The following NTM variants were observed in gnomAD, a reference collection of about 807,000 sequenced individuals.
NTM encodes IgLON family member 2.
NTM carries 13 observed loss-of-function variants against 42.1 expected under a neutral mutation model. The ratio of observed to expected loss-of-function variants is 0.31; its 90% CI spans 0.20 to 0.49. The LOEUF (loss-of-function observed/expected upper bound fraction) is 0.49. Among genes scored for constraint, NTM ranks in the 20% least tolerant of loss-of-function variants. The pLI is 0.99. For missense variants in NTM, 373 were observed against 452.8 expected (o/e 0.82, Z 1.60); for synonymous variants, 187 against 179.2 (o/e 1.04, Z -0.35).
chr11:132,050,632 C>T (rs764864388), intron 2 of NTM, among the ~76,000 whole-genome samples: 18 of 152,068 alleles, frequency 1.2e-4, no homozygotes, highest in Admixed American at 2.6e-4. Context: ...GGGTTTATGG[C>T]GGCAAAGCCT....
chr11:131,789,819 G>A lies in NTM; in HGVS notation c.83-121745G>A, dbSNP rs554864122. On this transcript the variant is annotated intron_variant, in intron 1 of 8. Transcript: ENST00000683400. ...AAAATACAAAAAATTAGCCGGGTGT[G>A]GTGGCGGGAGCCTGTAGTCCCAGCT... Among the ~76,000 whole-genome samples, 562 of 150,976 alleles carry A rather than the reference G, an allele frequency of 3.7e-3. 7 individuals carry two copies. In the South Asian group the frequency reaches 0.045, roughly 12 times the overall value.
Position 132,335,090 on chromosome 11 carries a change from G to A in NTM, c.1012G>A (p.Ala338Thr), listed in dbSNP as rs1361407592. ...SEVSNGTSRR[A>T]GCVWLLPLLV... The stretch of plus-strand genomic sequence containing the variant: ...GGTGAGCAACGGCACGTCGAGGAGG[G>A]CAGGCTGCGTCTGGCTGCTGCCTCT... The change falls in exon 9 of 9, where the codon GCA (alanine) becomes ACA (threonine). Residue 338 changes from alanine to threonine, a missense_variant. Ala to Thr is a moderately conservative substitution (Grantham distance 58). Coordinates refer to ENST00000683400, the MANE Select transcript of NTM (RefSeq NM_001352005.2). 1 of 1,612,552 alleles carries A rather than the reference G, an allele frequency of 6.2e-7. No homozygotes were observed. Among genetic ancestry groups the A allele is most frequent in the Admixed American group, 1.7e-5 (1 of 59,996 alleles).
chr11:131,722,020 A>T (rs1565467528), intron 1 of NTM, among the ~76,000 whole-genome samples: 1 of 148,646 alleles, frequency 6.7e-6, no homozygotes, highest in Non-Finnish European at 1.5e-5. Context: ...AAAAAAAAAA[A>T]AAGAGAGAAA....
chr11:131,890,838 G>A (rs1390001755), intron 1 of NTM, among the ~76,000 whole-genome samples: 1 of 152,182 alleles, frequency 6.6e-6, no homozygotes, highest in Non-Finnish European at 1.5e-5. Flanking sequence ...CATTGTCTGT[G>A]TCTCTGGCAG....
chr11:132,277,895 G>A (rs953548830), intron 4 of NTM, among the ~76,000 whole-genome samples: 39 of 152,042 alleles, frequency 2.6e-4, no homozygotes, highest in African/African-American at 8.2e-4. Flanking sequence ...TCTGGTTTGA[G>A]GACTCTTACT....
chr11:131,861,973 G>A (rs1467510765), intron 1 of NTM, among the ~76,000 whole-genome samples: 2 of 152,168 alleles, frequency 1.3e-5, no homozygotes, highest in Admixed American at 6.5e-5. Context: ...AACCCCAGGG[G>A]AGGCATCCAG....
intron 2 of NTM, among the ~76,000 whole-genome samples, chr11:132,021,858 T>C (rs1258535692): frequency 2.0e-5 from 3 of 152,236 alleles, no homozygotes; most frequent in Non-Finnish European, 2.9e-5. Flanking sequence ...TGCTTCCTAC[T>C]GAGTCCTGTC....
At chr11:131,564,797 G>C (rs2056675463) in intron 1 of NTM, among the ~76,000 whole-genome samples, 1 of 152,086 alleles carries the variant, frequency 6.6e-6, no homozygotes, top group Non-Finnish European at 1.5e-5. Context: ...TTCAGACGTT[G>C]CTCCCTGCAA....
intron 1 of NTM, among the ~76,000 whole-genome samples, chr11:131,797,466 C>T (rs1020006700): frequency 2.6e-5 from 4 of 152,214 alleles, no homozygotes; most frequent in Middle Eastern, 3.4e-3. Context: ...TTGTTTATTC[C>T]GGATAGAATC....
intron 1 of NTM, among the ~76,000 whole-genome samples, chr11:131,824,190 C>A (rs1416846364): frequency 1.3e-5 from 2 of 152,168 alleles, no homozygotes; most frequent in Non-Finnish European, 2.9e-5. Flanking sequence ...CATAACTTTA[C>A]TTACAAGGAA....
At chr11:132,266,333 CTCTT>C (rs1382435445) in intron 4 of NTM, among the ~76,000 whole-genome samples, 1 of 152,198 alleles carries the variant, frequency 6.6e-6, no homozygotes, top group Non-Finnish European at 1.5e-5. Flanking sequence ...ATAGCCATCT[CTCTT>C]GTTGCCAGTG....
rs149572992 is a variant in NTM at position 132,138,665 on chromosome 11, G to C, written c.168-7617G>C. 8.3e-4 allele frequency among the ~76,000 whole-genome samples: 125 copies of C among 150,774 alleles called. 3 individuals are homozygous for C. The East Asian group carries it at 0.022, about 26-fold the overall frequency. ...TTATAAGAATTGGCTCATGTCTGTA[G>C]TGTAAGTTTCAGTCTCAGTCCAAAG... is the stretch of plus-strand genomic sequence containing the variant. On this transcript the variant is annotated intron_variant, in intron 2 of 8. Transcript: ENST00000683400.
chr11:131,973,590 G>C (rs1186796790), intron 2 of NTM, among the ~76,000 whole-genome samples: 1 of 152,200 alleles, frequency 6.6e-6, no homozygotes, highest in Non-Finnish European at 1.5e-5. Flanking sequence ...GCCACAGTGG[G>C]CAGATCACCT....
At chr11:131,494,619 A>G (rs1388769095) in intron 1 of NTM, among the ~76,000 whole-genome samples, 2 of 152,258 alleles carry the variant, frequency 1.3e-5, no homozygotes, top group African/African-American at 4.8e-5. Flanking sequence ...ATGTGCAAAG[A>G]TGATAACCAT....
chr11:131,724,713 G>A (rs191453758), intron 1 of NTM, among the ~76,000 whole-genome samples: 1 of 152,326 alleles, frequency 6.6e-6, no homozygotes, highest in East Asian at 1.9e-4. Flanking sequence ...GGAACGACAA[G>A]GCCCGGCAGA....
intron 4 of NTM, among the ~76,000 whole-genome samples, chr11:132,303,746 C>A (rs1214522633): frequency 6.3e-5 from 9 of 143,244 alleles, no homozygotes; most frequent in African/African-American, 2.3e-4. Flanking sequence ...CTGTGAAGAA[C>A]AAATCATCAT....
chr11:132,316,273 G>A (rs146970384), intron 7 of NTM, among the ~76,000 whole-genome samples: 2 of 152,296 alleles, frequency 1.3e-5, no homozygotes, highest in African/African-American at 4.8e-5. Context: ...GTTCTCGTAA[G>A]AGTTGAATAG....
chr11:131,957,228 A>G (rs912237305), intron 2 of NTM, among the ~76,000 whole-genome samples: 3 of 152,344 alleles, frequency 2.0e-5, no homozygotes, highest in Middle Eastern at 3.4e-3. Flanking sequence ...ATTGTAACAT[A>G]TATGAGAGGT....
intron 1 of NTM, among the ~76,000 whole-genome samples, chr11:131,892,617 C>T (rs904019732): frequency 6.6e-6 from 1 of 152,226 alleles, no homozygotes; most frequent in African/African-American, 2.4e-5. Context: ...TGCGGGATGG[C>T]CACATGCTGC....
Sources: gnomAD v4.1 joint callset for allele counts (sites outside exome capture counted in the v4.1 genomes callset) on GRCh38, gnomAD v4.1.1 for gene constraint, MANE v1.5 for transcripts, NCBI Gene and HGNC (gene_info 2026-07-23, HGNC 2026-07-21) for gene names.